NBL1: variants seen among roughly 807,000 people sequenced by gnomAD.
NBL1 encodes NBL1, DAN family BMP antagonist, also known as neuroblastoma suppressor of tumorigenicity 1.
In NBL1, 9 loss-of-function variants were observed where a neutral mutation model predicts 16.0. That is an observed-to-expected ratio of 0.56 (90% CI 0.34 to 0.98). NBL1 has a LOEUF of 0.98. Among genes scored for constraint, NBL1 ranks in the 50% least tolerant of loss-of-function variants. The pLI is 0.02. For missense variants in NBL1, 196 were observed against 243.1 expected (o/e 0.81, Z 1.29); for synonymous variants, 86 against 100.7 (o/e 0.85, Z 0.87).
In NBL1 at chr1:19,656,931, G is replaced by T. The variant is rs753485771; in HGVS notation, c.348G>T (p.Leu116=). Residue 116 remains leucine (L), a synonymous_variant, in exon 4 of 4, where the codon CTG becomes CTT. Coordinates refer to ENST00000375136, the MANE Select transcript of NBL1 (RefSeq NM_005380.8). ...TGGACAAGCTGGTGGAGAAGATCCT[G>T]CACTGTAGCTGCCAGGCCTGCGGCA... The part of the protein sequence containing the change: ...PRVDKLVEKI[L]HCSCQACGKE... 3.7e-6 allele frequency: 6 copies of T among 1,613,372 alleles called. No homozygotes were observed. Among genetic ancestry groups the T allele is most frequent in the Non-Finnish European group, 5.1e-6 (6 of 1,179,784 alleles).
intron 1 of NBL1, among the ~76,000 whole-genome samples, chr1:19,650,206 A>G (rs1411127285): frequency 2.0e-5 from 3 of 152,190 alleles, no homozygotes; most frequent in Non-Finnish European, 4.4e-5. Context: ...AATAGCCTAG[A>G]CTATTCAGGT....
intron 1 of NBL1, among the ~76,000 whole-genome samples, chr1:19,651,778 C>T (rs1005147825): frequency 1.3e-5 from 2 of 152,236 alleles, no homozygotes; most frequent in African/African-American, 4.8e-5. Flanking sequence ...CTCACTGCAG[C>T]CCCAAGCCTG....
At chr1:19,648,943 T>C (rs796512507) in intron 1 of NBL1, among the ~76,000 whole-genome samples, 3 of 152,250 alleles carry the variant, frequency 2.0e-5, no homozygotes, top group African/African-American at 7.2e-5. Context: ...GGAATGGGAT[T>C]TGAACTCTGG....
Position 19,655,111 on chromosome 1 carries a change from G to A in NBL1, c.81G>A (p.Leu27=). 1 of 1,612,910 alleles carries A rather than the reference G, an allele frequency of 6.2e-7. No individual in the cohort carries two copies. The highest frequency in any genetic ancestry group is 8.5e-7 in the Non-Finnish European group (1 of 1,179,760). Residue 27 remains leucine (L), a synonymous_variant, in exon 2 of 4, where the codon CTG becomes CTA. Coordinates refer to ENST00000375136, the MANE Select transcript of NBL1 (RefSeq NM_005380.8). ...AAPPPINKLA[L]FPDKSAWCEA... ...CACCACCCATCAACAAGCTGGCACT[G>A]TTCCCAGATAAGAGTGCCTGGTGCG...
intron 1 of NBL1, chr1:19,645,917 T>C (rs1319039635): frequency 1.3e-6 from 2 of 1,549,732 alleles, no homozygotes; most frequent in African/African-American, 2.7e-5. Context: ...GCAGGGTTGT[T>C]GGTGAGGTCT....
upstream of NBL1, chr1:19,644,271 G>A (rs2094963830): frequency 7.1e-6 from 7 of 979,194 alleles, no homozygotes; most frequent in Non-Finnish European, 8.5e-6. This position sits in a 1 kb window ranked among gnomAD's most constrained non-coding sequence, Gnocchi z 4.6. Flanking sequence ...CCACCCTGAC[G>A]TCGGAGCCGC....
chr1:19,644,501 CG>C lies in NBL1; in HGVS notation c.-20+60del. 1.1e-6 allele frequency: 1 copy of C among 933,932 alleles called. No homozygotes were observed. The highest frequency in any genetic ancestry group is 1.3e-6 in the Non-Finnish European group (1 of 785,780). The allele number at this position is 933,932 out of a possible 1,614,324, so 57.9% of individuals were successfully genotyped here. A position where few individuals can be genotyped will look rare whatever the true frequency, so the allele number is the denominator to read the frequency against. Reference sequence around the variant, plus strand: ...GCCCGGCTTCCAGAGGCTTCGGCCGCGGGGGCAGTGCCGCGCCCCCAGCCCG... The same window carrying C: ...GCCCGGCTTCCAGAGGCTTCGGCCGCGGGGCAGTGCCGCGCCCCCAGCCCG... On this transcript the variant is annotated intron_variant, in intron 1 of 3. Transcript: ENST00000375136. The surrounding 1 kb of genome is among the most constrained non-coding windows in gnomAD (Gnocchi z 4.6).
At chr1:19,652,207 A>G (rs2095030132) in intron 1 of NBL1, among the ~76,000 whole-genome samples, 1 of 152,220 alleles carries the variant, frequency 6.6e-6, no homozygotes, top group Non-Finnish European at 1.5e-5. Flanking sequence ...CTAGGGGGCC[A>G]GTCCAGCCCA....
upstream of NBL1, chr1:19,643,491 C>T: frequency 1.9e-6 from 3 of 1,556,062 alleles, no homozygotes; most frequent in Non-Finnish European, 2.6e-6. This position sits in a 1 kb window ranked among gnomAD's most constrained non-coding sequence, Gnocchi z 4.7. Flanking sequence ...GTTATTTTCT[C>T]ACCCCGTTGT....
upstream of NBL1, chr1:19,643,276 A>G (rs2094959230): frequency 1.3e-6 from 2 of 1,599,180 alleles, no homozygotes; most frequent in South Asian, 2.2e-5. This position sits in a 1 kb window ranked among gnomAD's most constrained non-coding sequence, Gnocchi z 4.7. Flanking sequence ...GGAGTACACC[A>G]GGGAGTTCCC....
intron 1 of NBL1, among the ~76,000 whole-genome samples, chr1:19,654,702 A>G (rs748995014): frequency 1.5e-4 from 23 of 152,114 alleles, no homozygotes; most frequent in Non-Finnish European, 2.9e-4. Flanking sequence ...GCACCGAGAT[A>G]AAAAGTAACT....
At chr1:19,648,225 C>T (rs1321347182) in intron 1 of NBL1, among the ~76,000 whole-genome samples, 1 of 152,162 alleles carries the variant, frequency 6.6e-6, no homozygotes, top group Non-Finnish European at 1.5e-5. Flanking sequence ...ATCTAGGCCA[C>T]TCCTGTGTAT....
chr1:19,656,820 C>G (rs2095059029), intron 3 of NBL1, 46 bp from the exon 4 acceptor site: 1 of 1,567,708 alleles, frequency 6.4e-7, no homozygotes, highest in African/African-American at 1.4e-5. Context: ...CTTGCCTGCC[C>G]CAGACCTTTG....
At chr1:19,647,880 TGTGC>T (rs1247269913) in intron 1 of NBL1, among the ~76,000 whole-genome samples, 3,590 of 144,310 alleles carry the variant, frequency 0.025, 75 homozygotes, top group Non-Finnish European at 0.033. Flanking sequence ...TGTGTGTGTG[TGTGC>T]GTGTGCGCGC....
In NBL1 at chr1:19,657,022, G is replaced by A. The variant is rs769880816; in HGVS notation, c.439G>A (p.Gly147Ser). Residue 147 changes from glycine (G) to serine (S), a missense_variant, in exon 4 of 4, where the codon GGC becomes AGC. Coordinates refer to ENST00000375136, the MANE Select transcript of NBL1 (RefSeq NM_005380.8). ...CGAGGACGGGCCGGGATCCCAGCCCGGCACCCACCCTCACCCCCATCCCCA... is the reference window on the plus strand; with the variant it reads ...CGAGGACGGGCCGGGATCCCAGCCCAGCACCCACCCTCACCCCCATCCCCA... ...QGEDGPGSQP[G>S]THPHPHPHPH... 9.6e-6 allele frequency: 15 copies of A among 1,570,306 alleles called. No individual in the cohort carries two copies. Among genetic ancestry groups the A allele is most frequent in the Admixed American group, 7.5e-5 (4 of 53,224 alleles).
At chr1:19,645,455 C>G (rs988693332) in intron 1 of NBL1, 78 of 992,134 alleles carry the variant, frequency 7.9e-5, no homozygotes, top group Admixed American at 1.1e-4. Flanking sequence ...AGCCACACTT[C>G]CAGGCTTTCG....
At chr1:19,644,093 C>G (rs935399995), upstream of NBL1, 240 of 972,184 alleles carry the variant, frequency 2.5e-4, no homozygotes, top group Non-Finnish European at 2.8e-4. The surrounding 1 kb of genome is among the most constrained non-coding windows in gnomAD (Gnocchi z 4.6). Context: ...GCCGTCGGAG[C>G]GCGCCGAAGC....
intron 1 of NBL1, 128 bp from the exon 2 acceptor site, chr1:19,654,884 C>T: frequency 8.0e-7 from 1 of 1,248,406 alleles, no homozygotes; most frequent in Non-Finnish European, 1.1e-6. Context: ...TCCAAAGTTG[C>T]ACTTGGTTAG....
intron 1 of NBL1, chr1:19,645,245 C>T (rs528125919): frequency 7.9e-6 from 4 of 505,242 alleles, no homozygotes; most frequent in South Asian, 1.7e-4. Flanking sequence ...GAGTCTGGGG[C>T]AGGGAGAGCC....
Sources: allele counts gnomAD v4.1 joint callset (sites outside exome capture counted in the v4.1 genomes callset), GRCh38; gene constraint gnomAD v4.1.1; non-coding constraint Gnocchi (gnomAD v3.1); transcripts MANE v1.5; gene names NCBI Gene and HGNC (gene_info 2026-07-23, HGNC 2026-07-21).